CTDSPL: variants seen among roughly 807,000 people sequenced by gnomAD.
The protein encoded by CTDSPL is CTD small phosphatase like, also known as CTD small phosphatase-like protein.
CTDSPL carries 8 observed loss-of-function variants against 30.5 expected under a neutral mutation model. The ratio of observed to expected loss-of-function variants is 0.26; its 90% CI spans 0.15 to 0.47. The LOEUF (loss-of-function observed/expected upper bound fraction) is 0.47, where lower values mean the gene tolerates loss of function less well. Ranked by LOEUF, CTDSPL falls within the 20% of genes least tolerant of loss-of-function variation. The pLI is 0.99. For missense variants in CTDSPL, 248 were observed against 366.1 expected (o/e 0.68, Z 2.63); for synonymous variants, 110 against 137.9 (o/e 0.80, Z 1.42).
chr3:37,906,832 T>C lies in CTDSPL; in HGVS notation c.80-40225T>C, dbSNP rs528989480. Among the ~76,000 whole-genome samples the C allele has an allele frequency of 1.4e-4, 21 of 152,310 alleles. No homozygotes were observed. The South Asian group carries it at 3.9e-3, about 29-fold the overall frequency. On this transcript the variant is annotated intron_variant, in intron 1 of 7. Transcript: ENST00000273179. Reference sequence around the variant, plus strand: ...CTGCCTTTGTGACTAAGAAAGTCACTTCGCCCTCTGAGCCTTTCCTTCCCT... The same window carrying C: ...CTGCCTTTGTGACTAAGAAAGTCACCTCGCCCTCTGAGCCTTTCCTTCCCT...
chr3:37,941,350 G>A (rs1391641634), intron 1 of CTDSPL, among the ~76,000 whole-genome samples: 1 of 149,590 alleles, frequency 6.7e-6, no homozygotes, highest in African/African-American at 2.4e-5. Flanking sequence ...TCCCTGTGGG[G>A]TATCTGTGCC....
At position 37,984,244 on chromosome 3, in the gene CTDSPL, C is replaced by T. The variant is rs184292727; in HGVS notation, c.*3377C>T. ...TCATGTCTGTTCCTGTTCCATTCTCCCAGGAGCTTCTCTGCAGACTGACAC... is the reference window on the plus strand; with the variant it reads ...TCATGTCTGTTCCTGTTCCATTCTCTCAGGAGCTTCTCTGCAGACTGACAC... On this transcript the variant is annotated 3_prime_UTR_variant, in exon 8 of 8. Transcript: ENST00000273179. 3.3e-3 allele frequency: 1,503 copies of T among 452,032 alleles called. 3 individuals are homozygous for T. Among genetic ancestry groups the T allele is most frequent in the Middle Eastern group, 6.5e-3 (20 of 3,076 alleles). The allele number at this position is 452,032 out of a possible 1,614,324, so 28.0% of individuals were successfully genotyped here. A position where few individuals can be genotyped will look rare whatever the true frequency, so the allele number is the denominator to read the frequency against.
At chr3:37,908,606 A>T (rs1488022238) in intron 1 of CTDSPL, among the ~76,000 whole-genome samples, 1 of 152,200 alleles carries the variant, frequency 6.6e-6, no homozygotes, top group Admixed American at 6.5e-5. Flanking sequence ...TCTATGCTGC[A>T]TGTATAGCTT....
chr3:37,915,971 A>G (rs946042510), intron 1 of CTDSPL, among the ~76,000 whole-genome samples: 12 of 152,104 alleles, frequency 7.9e-5, no homozygotes, highest in Non-Finnish European at 8.8e-5. Flanking sequence ...TATGACTGTG[A>G]TTTCATTTTC....
chr3:37,960,662 G>A (rs1045684848), intron 3 of CTDSPL, among the ~76,000 whole-genome samples: 18 of 150,746 alleles, frequency 1.2e-4, no homozygotes, highest in African/African-American at 2.2e-4. Flanking sequence ...CCCGGGAGGC[G>A]GAGGTTGCAG....
chr3:37,967,444 C>G (rs540685620), intron 4 of CTDSPL, among the ~76,000 whole-genome samples: 1 of 152,354 alleles, frequency 6.6e-6, no homozygotes, highest in East Asian at 1.9e-4. Context: ...TCAAGCAGCA[C>G]TGTCCTCGGA....
intron 1 of CTDSPL, chr3:37,911,551 G>A: frequency 2.5e-6 from 1 of 401,262 alleles, no homozygotes; most frequent in Non-Finnish European, 5.0e-6. Flanking sequence ...ATCTGAATTA[G>A]CTATAGAGTA....
At chr3:37,869,592 T>C (rs1451266700) in intron 1 of CTDSPL, among the ~76,000 whole-genome samples, 2 of 152,136 alleles carry the variant, frequency 1.3e-5, no homozygotes, top group Non-Finnish European at 2.9e-5. Context: ...CTGACTTGTA[T>C]GCCTTTTATT....
intron 2 of CTDSPL, among the ~76,000 whole-genome samples, chr3:37,956,404 A>C (rs1161336857): frequency 6.6e-6 from 1 of 152,228 alleles, no homozygotes; most frequent in Non-Finnish European, 1.5e-5. Context: ...GCTCAGTGGA[A>C]ATAAACTTTT....
chr3:37,970,708 C>G (rs1258819866), intron 5 of CTDSPL, among the ~76,000 whole-genome samples: 1 of 152,194 alleles, frequency 6.6e-6, no homozygotes, highest in African/African-American at 2.4e-5. Context: ...TGCACAGAGC[C>G]CAGCCATTCT....
intron 1 of CTDSPL, among the ~76,000 whole-genome samples, chr3:37,869,589 G>T (rs1389474202): frequency 6.6e-6 from 1 of 152,042 alleles, no homozygotes; most frequent in African/African-American, 2.4e-5. Context: ...TTTCTGACTT[G>T]TATGCCTTTT....
rs1203940885 is a variant in CTDSPL, at chr3:37,938,378, T to C, written c.80-8679T>C. Among the ~76,000 whole-genome samples, 3 of 150,468 alleles carry C rather than the reference T, an allele frequency of 2.0e-5. No individual in the cohort carries two copies. The East Asian group carries it at 5.8e-4, about 29-fold the overall frequency. On this transcript the variant is annotated intron_variant, in intron 1 of 7. Coordinates refer to ENST00000273179, the MANE Select transcript of CTDSPL (RefSeq NM_001008392.2). ...GAATGAAAGAATTATAAAAAGTCAC[T>C]GGTTATATGGCATGGGCAGATATCA...
chr3:37,958,521 GT>G (rs1053553810), intron 3 of CTDSPL, among the ~76,000 whole-genome samples: 1 of 152,114 alleles, frequency 6.6e-6, no homozygotes, highest in Non-Finnish European at 1.5e-5. Context: ...CACTATTACT[GT>G]TTTTTCTTAA....
chr3:37,888,660 G>A lies in CTDSPL; in HGVS notation c.79+26382G>A, dbSNP rs148993716. ...GAACTGACTGGTTTACATAGATTGC[G>A]TAGTATTTATCATAACATAATGCTC... On this transcript the variant is annotated intron_variant, in intron 1 of 7. Transcript: ENST00000273179. 9.8e-5 allele frequency among the ~76,000 whole-genome samples: 15 copies of A among 152,324 alleles called. No homozygotes were observed. The East Asian group carries it at 2.3e-3, about 23-fold the overall frequency.
At chr3:37,965,343 G>A (rs1054003992) in intron 4 of CTDSPL, among the ~76,000 whole-genome samples, 5 of 152,246 alleles carry the variant, frequency 3.3e-5, no homozygotes, top group South Asian at 2.1e-4. Context: ...CAGCAGAAAC[G>A]GCCTCCATGC....
intron 1 of CTDSPL, 40 bp from the exon 2 acceptor site, chr3:37,947,017 T>C: frequency 1.3e-6 from 2 of 1,596,470 alleles, no homozygotes; most frequent in Non-Finnish European, 1.7e-6. Context: ...TATCAGTACA[T>C]GCTGCAGTTG....
chr3:37,889,793 T>C (rs1212101612), intron 1 of CTDSPL, among the ~76,000 whole-genome samples: 1 of 152,196 alleles, frequency 6.6e-6, no homozygotes, highest in Non-Finnish European at 1.5e-5. Context: ...AAAATCTGAA[T>C]GCTATCAGGT....
chr3:37,888,576 G>A (rs918788096), intron 1 of CTDSPL, among the ~76,000 whole-genome samples: 1 of 152,170 alleles, frequency 6.6e-6, no homozygotes, highest in Non-Finnish European at 1.5e-5. Context: ...GATCCTGTGT[G>A]CTAACCACTA....
rs556445205 is a variant in CTDSPL at position 37,933,789 on chromosome 3, A to G, written c.80-13268A>G. Among the ~76,000 whole-genome samples, 19 of 152,338 alleles carry G rather than the reference A, an allele frequency of 1.2e-4. 1 individual carries two copies. The East Asian group carries it at 3.5e-3, about 28-fold the overall frequency. ...TTTTACATAATTATTAACTATTACG[A>G]ATACATATGGAGCTGCATCCTTCTT... On this transcript the variant is annotated intron_variant, in intron 1 of 7. Coordinates refer to ENST00000273179, the MANE Select transcript of CTDSPL (RefSeq NM_001008392.2).
Sources: gnomAD v4.1 joint callset for allele counts (sites outside exome capture counted in the v4.1 genomes callset) on GRCh38, gnomAD v4.1.1 for gene constraint, MANE v1.5 for transcripts, NCBI Gene and HGNC (gene_info 2026-07-23, HGNC 2026-07-21) for gene names.